Variants in GAS2 observed in about 807,000 individuals in gnomAD.
The protein encoded by GAS2 is growth arrest-specific protein 2.
A neutral mutation model predicts 37.5 loss-of-function variants in GAS2; 20 were observed. The ratio of observed to expected loss-of-function variants is 0.53; its 90% CI spans 0.37 to 0.77. GAS2 has a LOEUF of 0.77. Among genes scored for constraint, GAS2 ranks in the 30% least tolerant of loss-of-function variants. The pLI is 0.00. For synonymous variants in GAS2, 144 were observed against 132.2 expected (o/e 1.09, Z -0.61); for missense variants, 336 against 373.4 (o/e 0.90, Z 0.82).
chr11:22,636,917 AAAT>A (rs1361160840), intron 1 of GAS2, among the ~76,000 whole-genome samples: 1 of 137,484 alleles, frequency 7.3e-6, no homozygotes, highest in Non-Finnish European at 1.6e-5. Context: ...ATATAATATA[AAAT>A]ATTTATATTA....
intron 3 of GAS2, among the ~76,000 whole-genome samples, chr11:22,718,596 T>G (rs1261352749): frequency 6.6e-6 from 1 of 151,818 alleles, no homozygotes; most frequent in Non-Finnish European, 1.5e-5. Context: ...CACCGAAATC[T>G]CAGAAATTAT....
chr11:22,675,687 T>C (rs201014520), intron 2 of GAS2, among the ~76,000 whole-genome samples: 8 of 23,854 alleles, frequency 3.4e-4, no homozygotes, highest in Middle Eastern at 0.05. Context: ...TCATCATATA[T>C]AGCAGCACTA....
At chr11:22,715,165 A>G (rs939058494) in intron 3 of GAS2, among the ~76,000 whole-genome samples, 5 of 152,196 alleles carry the variant, frequency 3.3e-5, no homozygotes, top group Non-Finnish European at 7.3e-5. Context: ...AAGCTTAATT[A>G]GAAACAGGCC....
At chr11:22,645,845 C>CT (rs71037516) in intron 1 of GAS2, among the ~76,000 whole-genome samples, 23 of 111,416 alleles carry the variant, frequency 2.1e-4, no homozygotes, top group African/African-American at 6.2e-4. Flanking sequence ...CTTTTCTTTT[C>CT]TTTTTTTTTT....
chr11:22,700,841 G>T (rs1850803210), intron 3 of GAS2, among the ~76,000 whole-genome samples: 1 of 152,028 alleles, frequency 6.6e-6, no homozygotes, highest in African/African-American at 2.4e-5. Context: ...TAAATTGTAG[G>T]GCTTTTAGGT....
intron 7 of GAS2, among the ~76,000 whole-genome samples, chr11:22,760,355 AAT>A (rs1854317126): frequency 6.6e-6 from 1 of 152,166 alleles, no homozygotes; most frequent in African/African-American, 2.4e-5. Flanking sequence ...TAGAAATGCA[AAT>A]TCTTGGGGCT....
intron 1 of GAS2, among the ~76,000 whole-genome samples, chr11:22,643,058 CT>C (rs34518780): frequency 5.9e-5 from 9 of 151,342 alleles, no homozygotes; most frequent in South Asian, 2.1e-4. Flanking sequence ...TGCTTTCTAA[CT>C]TTTTTTTTCT....
intron 1 of GAS2, among the ~76,000 whole-genome samples, chr11:22,659,149 C>G (rs1848888907): frequency 6.6e-6 from 1 of 152,098 alleles, no homozygotes; most frequent in Non-Finnish European, 1.5e-5. Context: ...TTGGGTATGT[C>G]CATGATGGTG....
At chr11:22,728,334 C>T (rs1852308874) in intron 4 of GAS2, among the ~76,000 whole-genome samples, 1 of 151,780 alleles carries the variant, frequency 6.6e-6, no homozygotes, top group African/African-American at 2.4e-5. Flanking sequence ...ACTTTGATGG[C>T]TTTTAAAAGC....
chr11:22,720,245 A>G (rs1370963338), intron 3 of GAS2, among the ~76,000 whole-genome samples: 1 of 152,034 alleles, frequency 6.6e-6, no homozygotes, highest in Non-Finnish European at 1.5e-5. Flanking sequence ...TCTGTTCTAT[A>G]TAAAGTGGAA....
intron 3 of GAS2, among the ~76,000 whole-genome samples, chr11:22,693,293 A>G (rs147234395): frequency 2.6e-4 from 40 of 152,316 alleles, no homozygotes; most frequent in African/African-American, 9.6e-4. Context: ...CATTCTCCAA[A>G]CCAAGAGATG....
rs565785146 is a variant in GAS2 at position 22,787,788 on chromosome 11, T to G, written c.724-24010T>G. Among the ~76,000 whole-genome samples the G allele has an allele frequency of 3.9e-5, 6 of 152,322 alleles. No homozygotes were observed. The East Asian group carries it at 1.2e-3, about 29-fold the overall frequency. Reference sequence around the variant, plus strand: ...CCACCTAGTGCTTAGATTCAATAACTACTATTTTGCTAGGAGTTTCTTTCA... The same window carrying G: ...CCACCTAGTGCTTAGATTCAATAACGACTATTTTGCTAGGAGTTTCTTTCA... On this transcript the variant is annotated intron_variant, in intron 7 of 7. Coordinates refer to ENST00000454584, the MANE Select transcript of GAS2 (RefSeq NM_001143830.3).
At chr11:22,652,298 G>A (rs1848787326) in intron 1 of GAS2, among the ~76,000 whole-genome samples, 2 of 152,340 alleles carry the variant, frequency 1.3e-5, no homozygotes, top group Admixed American at 1.3e-4. Flanking sequence ...CCAGCTGTGT[G>A]CTGGGAAAAC....
intron 1 of GAS2, among the ~76,000 whole-genome samples, chr11:22,642,016 G>A (rs1848636700): frequency 6.6e-6 from 1 of 152,174 alleles, no homozygotes. Flanking sequence ...ATTTGTAGAT[G>A]GACTAAGATT....
chr11:22,735,757 A>G (rs2134214283), intron 4 of GAS2, among the ~76,000 whole-genome samples: 2 of 151,976 alleles, frequency 1.3e-5, no homozygotes, highest in Admixed American at 1.3e-4. Context: ...ATTATCTTTT[A>G]TAGTTGGTTA....
chr11:22,744,924 T>G (rs930567710), intron 5 of GAS2, among the ~76,000 whole-genome samples: 14 of 150,742 alleles, frequency 9.3e-5, no homozygotes, highest in African/African-American at 3.4e-4. Context: ...ACTAGAGAAG[T>G]GAAAGATCTC....
chr11:22,664,205 A>G (rs1848949472), upstream of GAS2, among the ~76,000 whole-genome samples: 1 of 152,086 alleles, frequency 6.6e-6, no homozygotes, highest in Non-Finnish European at 1.5e-5. Flanking sequence ...TTTTTTCTCA[A>G]AGTGTCCTCT....
intron 3 of GAS2, among the ~76,000 whole-genome samples, chr11:22,716,650 A>AAAAAAAG (rs1490708657): frequency 1.3e-5 from 2 of 151,984 alleles, no homozygotes; most frequent in African/African-American, 2.4e-5. Flanking sequence ...TCTCAAAAAA[A>AAAAAAAG]AAAAAAAGAA....
chr11:22,748,914 G>T (rs1418043905), intron 5 of GAS2, among the ~76,000 whole-genome samples: 1 of 151,944 alleles, frequency 6.6e-6, no homozygotes, highest in South Asian at 2.1e-4. Context: ...ATATGTACAC[G>T]TATGCATACA....
Sources: gnomAD v4.1 joint callset for allele counts (sites outside exome capture counted in the v4.1 genomes callset) on GRCh38, gnomAD v4.1.1 for gene constraint, MANE v1.5 for transcripts, NCBI Gene and HGNC (gene_info 2026-07-23, HGNC 2026-07-21) for gene names.